GALNTL6: variants seen among roughly 807,000 people sequenced by gnomAD.
GALNTL6 encodes polypeptide N-acetylgalactosaminyltransferase like 6.
GALNTL6 carries 46 observed loss-of-function variants against 73.7 expected under a neutral mutation model. The observed-to-expected ratio is 0.62, with a 90% CI of 0.49 to 0.80. The LOEUF is 0.80. GALNTL6 is among the 30% of genes least tolerant of loss of function. The pLI, the probability that GALNTL6 is intolerant of heterozygous loss-of-function variation, is 0.00. For missense variants in GALNTL6, 604 were observed against 755.0 expected (o/e 0.80, Z 2.34); for synonymous variants, 259 against 263.7 (o/e 0.98, Z 0.17).
chr4:172,085,287 G>A (rs1731996704), intron 2 of GALNTL6, among the ~76,000 whole-genome samples: 1 of 152,072 alleles, frequency 6.6e-6, no homozygotes, highest in Admixed American at 6.6e-5. Context: ...ACTTTTTAAG[G>A]AAGGGGAAAA....
intron 5 of GALNTL6, among the ~76,000 whole-genome samples, chr4:172,554,575 A>G (rs1736076986): frequency 2.0e-5 from 3 of 152,152 alleles, no homozygotes; most frequent in Non-Finnish European, 4.4e-5. Flanking sequence ...ATGAGGCCCT[A>G]CTTTCTCCTC....
At chr4:172,402,148 AGGT>A (rs1407344303) in intron 5 of GALNTL6, among the ~76,000 whole-genome samples, 1 of 152,066 alleles carries the variant, frequency 6.6e-6, no homozygotes, top group African/African-American at 2.4e-5. Context: ...TTCAGGCCTT[AGGT>A]CTCCAGGAAG....
intron 5 of GALNTL6, among the ~76,000 whole-genome samples, chr4:172,771,852 CT>C (rs201043632): frequency 1.4e-3 from 203 of 150,188 alleles, no homozygotes; most frequent in East Asian, 8.9e-3. Flanking sequence ...AGATTTCAAT[CT>C]TTTTTTTTTC....
chr4:172,453,717 G>C (rs1732295904), intron 5 of GALNTL6, among the ~76,000 whole-genome samples: 1 of 152,216 alleles, frequency 6.6e-6, no homozygotes, highest in African/African-American at 2.4e-5. Flanking sequence ...GATACACTGG[G>C]AGTTAAGGAC....
intron 5 of GALNTL6, among the ~76,000 whole-genome samples, chr4:172,394,428 C>CTTTTTTTTTT (rs201130774): frequency 8.3e-6 from 1 of 120,144 alleles, no homozygotes. Flanking sequence ...TCTTCTTCTT[C>CTTTTTTTTTT]TTTTTTTTTT....
At chr4:172,557,871 T>C (rs1736204651) in intron 5 of GALNTL6, among the ~76,000 whole-genome samples, 1 of 152,026 alleles carries the variant, frequency 6.6e-6, no homozygotes, top group East Asian at 1.9e-4. Context: ...TATCTACCTA[T>C]GACCCAGAAA....
At chr4:172,198,269 A>G (rs1397102355) in intron 2 of GALNTL6, among the ~76,000 whole-genome samples, 2 of 151,740 alleles carry the variant, frequency 1.3e-5, no homozygotes, top group Non-Finnish European at 2.9e-5. Context: ...TAAACTAAAG[A>G]TCTGCACATC....
intron 3 of GALNTL6, among the ~76,000 whole-genome samples, chr4:172,290,896 G>T (rs936401580): frequency 6.6e-6 from 1 of 151,218 alleles, no homozygotes; most frequent in African/African-American, 2.4e-5. Flanking sequence ...AAAAAATAAA[G>T]ACCTAAAACA....
intron 10 of GALNTL6, among the ~76,000 whole-genome samples, chr4:173,008,815 C>G (rs981258952): frequency 6.6e-6 from 1 of 152,146 alleles, no homozygotes. Flanking sequence ...AATTCTTAAG[C>G]AAAAACCTTA....
chr4:172,403,460 G>A (rs1039171852), intron 5 of GALNTL6, among the ~76,000 whole-genome samples: 3 of 151,888 alleles, frequency 2.0e-5, no homozygotes, highest in East Asian at 3.9e-4. Context: ...ATGAACTAAC[G>A]TATCAAATAA....
At chr4:172,316,980 G>A (rs994200199) in intron 4 of GALNTL6, among the ~76,000 whole-genome samples, 1 of 152,112 alleles carries the variant, frequency 6.6e-6, no homozygotes, top group South Asian at 2.1e-4. Flanking sequence ...CCAAACCCAC[G>A]AATCTCTTTC....
At chr4:172,008,092 A>T (rs575305886) in intron 2 of GALNTL6, among the ~76,000 whole-genome samples, 82 of 152,240 alleles carry the variant, frequency 5.4e-4, no homozygotes, top group African/African-American at 2.0e-3. Flanking sequence ...TACTAAAGAG[A>T]ATCAAGGTTT....
intron 5 of GALNTL6, among the ~76,000 whole-genome samples, chr4:172,433,997 T>G (rs948260173): frequency 1.4e-4 from 22 of 152,128 alleles, no homozygotes; most frequent in African/African-American, 5.3e-4. Flanking sequence ...TAATCTTCAT[T>G]TTAGTTTTTA....
At chr4:171,923,441 A>C (rs1362212967) in intron 2 of GALNTL6, among the ~76,000 whole-genome samples, 2 of 131,800 alleles carry the variant, frequency 1.5e-5, no homozygotes, top group African/African-American at 3.1e-5. Context: ...TTTGTCACCC[A>C]GGCTGCAGTG....
chr4:172,077,215 AG>A (rs1346405175), intron 2 of GALNTL6, among the ~76,000 whole-genome samples: 3 of 152,202 alleles, frequency 2.0e-5, no homozygotes, highest in African/African-American at 7.2e-5. Flanking sequence ...GTTTCTATAA[AG>A]ATACCTGAAA....
intron 5 of GALNTL6, among the ~76,000 whole-genome samples, chr4:172,772,351 T>A (rs78182058): frequency 0.057 from 8,636 of 152,270 alleles, 381 homozygotes; most frequent in Middle Eastern, 0.085. Context: ...CTAAAGCTAA[T>A]CTAGATGCCT....
intron 3 of GALNTL6, among the ~76,000 whole-genome samples, chr4:172,284,406 C>A (rs1739177056): frequency 6.6e-6 from 1 of 151,696 alleles, no homozygotes. Flanking sequence ...CCCCCACACA[C>A]ACCATGTGCA....
intron 5 of GALNTL6, among the ~76,000 whole-genome samples, chr4:172,473,271 C>A (rs1345773240): frequency 6.6e-6 from 1 of 152,170 alleles, no homozygotes; most frequent in Non-Finnish European, 1.5e-5. Context: ...GCTCACTCAG[C>A]ATATAAGGCT....
chr4:172,260,919 A>G (rs1175374800), intron 3 of GALNTL6, among the ~76,000 whole-genome samples: 1 of 151,560 alleles, frequency 6.6e-6, no homozygotes, highest in Non-Finnish European at 1.5e-5. Context: ...TGACTTGTGA[A>G]TATTAAGCCA....
Sources: allele counts gnomAD v4.1 joint callset (sites outside exome capture counted in the v4.1 genomes callset), GRCh38; gene constraint gnomAD v4.1.1; transcripts MANE v1.5; gene names NCBI Gene and HGNC (gene_info 2026-07-23, HGNC 2026-07-21).